LRRC49: variants seen among roughly 807,000 people sequenced by gnomAD.
LRRC49 encodes the protein leucine-rich repeat-containing protein 49.
Under a neutral mutation model 83.3 loss-of-function variants are expected in LRRC49, and 50 were observed. The ratio of observed to expected loss-of-function variants is 0.60; its 90% CI spans 0.48 to 0.76. The LOEUF is 0.76. Ranked by LOEUF, LRRC49 falls within the 30% of genes least tolerant of loss-of-function variation. The pLI is 0.00. For missense variants in LRRC49, 704 were observed against 809.1 expected, an observed-to-expected ratio of 0.87 and a Z score of 1.58; for synonymous variants, 286 against 283.3, an observed-to-expected ratio of 1.01 and a Z score of -0.10.
chr15:70,863,032 C>T (rs759707660), intron 1 of LRRC49, among the ~76,000 whole-genome samples: 7 of 152,172 alleles, frequency 4.6e-5, no homozygotes, highest in Non-Finnish European at 8.8e-5. Context: ...GTCACCCTGG[C>T]CTCAGACTTG....
intron 7 of LRRC49, 143 bp downstream of exon 7, chr15:70,919,336 A>G (rs2034917881): frequency 1.4e-6 from 1 of 728,244 alleles, no homozygotes; most frequent in Admixed American, 3.0e-5. Context: ...TGTAATTATT[A>G]AGCTCTGTAA....
At chr15:70,857,527 T>A (rs1310137147) in intron 1 of LRRC49, among the ~76,000 whole-genome samples, 1 of 152,184 alleles carries the variant, frequency 6.6e-6, no homozygotes, top group Non-Finnish European at 1.5e-5. Flanking sequence ...CTGTTTTAAC[T>A]GTAGGTTCAG....
chr15:71,005,755 G>A (rs2038435112), intron 11 of LRRC49, among the ~76,000 whole-genome samples: 1 of 152,106 alleles, frequency 6.6e-6, no homozygotes, highest in East Asian at 1.9e-4. Context: ...TTGAGGACAT[G>A]TTTGGTGAAT....
At chr15:70,876,879 T>C (rs1427932760) in intron 2 of LRRC49, among the ~76,000 whole-genome samples, 3 of 152,184 alleles carry the variant, frequency 2.0e-5, no homozygotes, top group African/African-American at 7.2e-5. Flanking sequence ...TGACCCCAAA[T>C]CTGAAAAGTT....
chr15:70,950,320 G>A (rs1050326727), intron 8 of LRRC49, among the ~76,000 whole-genome samples: 3 of 152,126 alleles, frequency 2.0e-5, no homozygotes, highest in Admixed American at 1.3e-4. Flanking sequence ...ACCCAATAGT[G>A]GTATTGCTGG....
At chr15:70,988,319 C>T (rs1263749180) in intron 11 of LRRC49, among the ~76,000 whole-genome samples, 1 of 146,472 alleles carries the variant, frequency 6.8e-6, no homozygotes, top group Non-Finnish European at 1.5e-5. Flanking sequence ...TCTGGGTGCT[C>T]CTGTATTGGG....
chr15:71,013,933 G>A (rs1202380834), intron 14 of LRRC49, among the ~76,000 whole-genome samples: 6 of 152,118 alleles, frequency 3.9e-5, no homozygotes, highest in Non-Finnish European at 8.8e-5. Context: ...TAGCTGCGCT[G>A]AGGATCAGGA....
intron 9 of LRRC49, among the ~76,000 whole-genome samples, chr15:70,975,418 C>T (rs1421599387): frequency 2.6e-5 from 4 of 152,094 alleles, no homozygotes; most frequent in East Asian, 1.9e-4. Flanking sequence ...CAGGGTTGGG[C>T]GTGGTGGCTC....
At chr15:70,895,770 A>G in intron 2 of LRRC49, 79 bp from the exon 3 acceptor site, 3 of 785,116 alleles carry the variant, frequency 3.8e-6, no homozygotes, top group Non-Finnish European at 6.3e-6. Context: ...ATCAGTTATT[A>G]TATGTTTTTT....
chr15:70,908,210 A>G lies in LRRC49; in HGVS notation c.501-3322A>G, dbSNP rs1391534409. On this transcript the variant is annotated intron_variant, in intron 5 of 15. Transcript: ENST00000260382. The stretch of plus-strand genomic sequence containing the variant: ...GCTAACGAATACCAGAAGTCATGTT[A>G]TAGCCCAATGGGTTCTTCTTGCCTG... Among the ~76,000 whole-genome samples, 6 of 152,248 alleles carry G rather than the reference A, an allele frequency of 3.9e-5. 1 individual carries two copies. The highest frequency in any genetic ancestry group is 2.0e-4 in the Admixed American group (3 of 15,290).
At chr15:70,885,430 A>G (rs1329761222) in intron 2 of LRRC49, among the ~76,000 whole-genome samples, 3 of 152,188 alleles carry the variant, frequency 2.0e-5, no homozygotes, top group African/African-American at 7.2e-5. Flanking sequence ...AACCAAACCT[A>G]TGCACACTAC....
chr15:71,022,164 G>A (rs978284014), intron 14 of LRRC49, among the ~76,000 whole-genome samples: 2 of 152,158 alleles, frequency 1.3e-5, no homozygotes, highest in African/African-American at 4.8e-5. Flanking sequence ...CCTGAGGTCA[G>A]GAGTTCAAGA....
rs1239899948 is a variant in LRRC49, at chr15:70,963,932, G to A, written c.921G>A (p.Thr307=). ...QLRQLDMKRI[T]EEERRMASVL... is the part of the protein sequence containing the mutation. ...GCCAGCTAGATATGAAGAGAATCAC[G>A]GTGAGAACCCTTCCAAAGTGTTCAC... is the stretch of plus-strand genomic sequence containing the variant. Residue 307 remains threonine, a splice_region_variant and synonymous_variant, in exon 9 of 16, where the codon ACG becomes ACA. Transcript: ENST00000260382. 8 of 1,612,324 alleles carry A rather than the reference G, an allele frequency of 5.0e-6. No homozygotes were observed. The highest frequency in any genetic ancestry group is 4.4e-5 in the South Asian group (4 of 90,730).
intron 4 of LRRC49, among the ~76,000 whole-genome samples, chr15:70,904,300 T>C (rs1216989771): frequency 1.3e-5 from 2 of 152,208 alleles, no homozygotes; most frequent in Admixed American, 6.5e-5. Flanking sequence ...AAATAACTTA[T>C]ATTCGAGTTT....
intron 1 of LRRC49, among the ~76,000 whole-genome samples, chr15:70,866,635 G>A (rs927823262): frequency 1.3e-4 from 20 of 152,142 alleles, no homozygotes; most frequent in Non-Finnish European, 1.9e-4. Context: ...TAACTTCTAA[G>A]TCCTCAGGGT....
At chr15:71,001,527 C>G (rs1422617147) in intron 11 of LRRC49, among the ~76,000 whole-genome samples, 1 of 152,162 alleles carries the variant, frequency 6.6e-6, no homozygotes, top group African/African-American at 2.4e-5. Flanking sequence ...TCACTTAACA[C>G]TTTTTCTTTC....
intron 1 of LRRC49, among the ~76,000 whole-genome samples, chr15:70,871,093 C>T (rs926463942): frequency 2.0e-5 from 3 of 151,850 alleles, no homozygotes; most frequent in African/African-American, 7.3e-5. Context: ...AGGCAGAGGA[C>T]CCTGCGGCCT....
chr15:71,050,315 T>C lies in LRRC49; in HGVS notation c.*703T>C, dbSNP rs1302592479. 6.6e-6 allele frequency: 1 copy of C among 152,244 alleles called. No homozygotes were observed. Among genetic ancestry groups the C allele is most frequent in the African/African-American group, 2.4e-5 (1 of 41,448 alleles). 9.4% of individuals were successfully genotyped at this position (152,244 alleles called of 1,614,324 possible). A position where few individuals can be genotyped will look rare whatever the true frequency, so the allele number is the denominator to read the frequency against. On this transcript the variant is annotated 3_prime_UTR_variant, in exon 16 of 16. Transcript: ENST00000260382. ...TAGGAGATCCTGAATGACTATAAAA[T>C]GCTGTTACAAAGCAGTAAATCTGCT...
intron 7 of LRRC49, among the ~76,000 whole-genome samples, chr15:70,935,449 C>G (rs1045862886): frequency 3.3e-5 from 5 of 151,982 alleles, no homozygotes; most frequent in Non-Finnish European, 7.4e-5. Flanking sequence ...GAATAACAAA[C>G]TTTAAAAAAA....
Sources: allele counts gnomAD v4.1 joint callset (sites outside exome capture counted in the v4.1 genomes callset), GRCh38; gene constraint gnomAD v4.1.1; transcripts MANE v1.5; gene names NCBI Gene and HGNC (gene_info 2026-07-23, HGNC 2026-07-21).